STXBP6: variants seen among roughly 807,000 people sequenced by gnomAD.
The protein encoded by STXBP6 is syntaxin-binding protein 6.
STXBP6 carries 21 observed loss-of-function variants against 26.9 expected under a neutral mutation model. The ratio of observed to expected loss-of-function variants is 0.78; its 90% CI spans 0.55 to 1.12. The LOEUF (loss-of-function observed/expected upper bound fraction) is 1.12, where lower values mean the gene tolerates loss of function less well. Among genes scored for constraint, STXBP6 ranks in the 50% most tolerant of loss-of-function variants. The probability of loss-of-function intolerance (pLI) is 0.00; values close to 1 mark genes in which losing one functional copy is unlikely to be tolerated. For synonymous variants in STXBP6, 97 were observed against 92.6 expected (o/e 1.05, Z -0.27); for missense variants, 232 against 257.9 (o/e 0.90, Z 0.69).
chr14:24,810,682 T>C lies in STXBP6; in HGVS notation c.*2027A>G, dbSNP rs2067794167. ...AAGAATCTTGGGTTTCACAGTATGC[T>C]TATGACCTCATCCTCAGCTACTTTG... On this transcript the variant is annotated 3_prime_UTR_variant, in exon 6 of 6. Coordinates refer to ENST00000323944, the MANE Select transcript of STXBP6 (RefSeq NM_001394410.1). 6.6e-6 allele frequency: 1 copy of C among 152,342 alleles called. No individual in the cohort carries two copies. Among genetic ancestry groups the C allele is most frequent in the African/African-American group, 2.4e-5 (1 of 41,582 alleles). The allele number at this position is 152,342 out of a possible 1,614,324, so 9.4% of individuals were successfully genotyped here.
intron 1 of STXBP6, among the ~76,000 whole-genome samples, chr14:24,984,295 T>C (rs1465683072): frequency 6.6e-6 from 1 of 152,184 alleles, no homozygotes; most frequent in East Asian, 1.9e-4. Context: ...CTTATTTGAA[T>C]CGCTGATTTG....
At chr14:25,006,841 G>A (rs1423261064) in intron 1 of STXBP6, among the ~76,000 whole-genome samples, 1 of 151,096 alleles carries the variant, frequency 6.6e-6, no homozygotes, top group East Asian at 1.9e-4. Flanking sequence ...TCTTCTCAGA[G>A]CAATTTTTCA....
chr14:24,836,951 C>A (rs916388681), intron 4 of STXBP6, among the ~76,000 whole-genome samples: 1 of 152,038 alleles, frequency 6.6e-6, no homozygotes, highest in Non-Finnish European at 1.5e-5. Context: ...GGCATTAGTT[C>A]GACAAAATGT....
At chr14:24,998,684 G>A (rs758490547) in intron 1 of STXBP6, among the ~76,000 whole-genome samples, 10 of 152,152 alleles carry the variant, frequency 6.6e-5, no homozygotes, top group Non-Finnish European at 1.0e-4. Context: ...AACACCTACC[G>A]CAGGCTTGGC....
intron 4 of STXBP6, among the ~76,000 whole-genome samples, chr14:24,825,055 C>T (rs2068242335): frequency 6.6e-6 from 1 of 152,204 alleles, no homozygotes. Flanking sequence ...AGCCACACTC[C>T]TTTATTGCAG....
At chr14:24,996,012 G>A (rs1464379967) in intron 1 of STXBP6, among the ~76,000 whole-genome samples, 3 of 152,114 alleles carry the variant, frequency 2.0e-5, no homozygotes, top group Non-Finnish European at 4.4e-5. Context: ...ATCTATATAT[G>A]TAGATTTACT....
intron 2 of STXBP6, among the ~76,000 whole-genome samples, chr14:24,931,743 G>A (rs1265535367): frequency 1.3e-5 from 2 of 152,082 alleles, no homozygotes; most frequent in Non-Finnish European, 1.5e-5. Context: ...ATTACCCAAG[G>A]CTGGATAATG....
At chr14:24,834,789 G>C (rs951280150) in intron 4 of STXBP6, among the ~76,000 whole-genome samples, 1 of 152,164 alleles carries the variant, frequency 6.6e-6, no homozygotes, top group African/African-American at 2.4e-5. Context: ...TGGGGGAGAA[G>C]GGCTTGGTAG....
intron 4 of STXBP6, among the ~76,000 whole-genome samples, chr14:24,844,830 C>T (rs1335680134): frequency 6.6e-6 from 1 of 152,102 alleles, no homozygotes; most frequent in African/African-American, 2.4e-5. Flanking sequence ...ATTAAATAAA[C>T]TTGACCTTGA....
Position 24,974,664 on chromosome 14 carries a change from C to T in STXBP6, c.154+1G>A. 2 of 1,547,872 alleles carry T rather than the reference C, an allele frequency of 1.3e-6. No individual in the cohort carries two copies. On this transcript the variant is annotated splice_donor_variant, in intron 2 of 5. Coordinates refer to ENST00000323944, the MANE Select transcript of STXBP6 (RefSeq NM_001394410.1). LOFTEE classifies it high-confidence loss of function. ...TAATATTAATATCTGGTTCTCATTACCTGACAGGCAGATATAAGTTAAATA... is the reference window on the plus strand; with the variant it reads ...TAATATTAATATCTGGTTCTCATTATCTGACAGGCAGATATAAGTTAAATA...
chr14:25,011,812 C>T (rs2075038874), intron 1 of STXBP6, among the ~76,000 whole-genome samples: 1 of 152,136 alleles, frequency 6.6e-6, no homozygotes, highest in African/African-American at 2.4e-5. Context: ...AGATTGGATC[C>T]TGGGTTCACA....
At chr14:24,969,964 G>A (rs1435877620) in intron 2 of STXBP6, among the ~76,000 whole-genome samples, 4 of 152,168 alleles carry the variant, frequency 2.6e-5, no homozygotes, top group Admixed American at 6.5e-5. Context: ...AATTTCGGCC[G>A]GGTGTGGTGG....
At chr14:24,873,793 T>G (rs2139360612) in intron 2 of STXBP6, among the ~76,000 whole-genome samples, 1 of 152,350 alleles carries the variant, frequency 6.6e-6, no homozygotes, top group African/African-American at 2.4e-5. Flanking sequence ...CTTCTCTGAA[T>G]GACGGGAACA....
At chr14:24,952,281 G>A (rs1331327301) in intron 2 of STXBP6, among the ~76,000 whole-genome samples, 13 of 150,564 alleles carry the variant, frequency 8.6e-5, no homozygotes, top group Non-Finnish European at 1.2e-4. Flanking sequence ...CTGCTTAGGG[G>A]GTAGCCATTC....
At chr14:24,816,021 GGGT>G (rs1566373091) in intron 5 of STXBP6, 1 of 152,188 alleles carries the variant, frequency 6.6e-6, no homozygotes, top group Non-Finnish European at 1.5e-5. Flanking sequence ...TCTTGCACCT[GGGT>G]CACTGCAGGA....
chr14:24,865,652 C>T (rs2069692055), intron 2 of STXBP6, among the ~76,000 whole-genome samples: 1 of 152,142 alleles, frequency 6.6e-6, no homozygotes, highest in Middle Eastern at 3.2e-3. Flanking sequence ...ATCATCCAGA[C>T]TGGAAAAACC....
chr14:24,903,322 T>C (rs528891267), intron 2 of STXBP6, among the ~76,000 whole-genome samples: 1 of 152,300 alleles, frequency 6.6e-6, no homozygotes, highest in East Asian at 1.9e-4. Flanking sequence ...CAGGCATGGT[T>C]AGGTGTTTGA....
intron 2 of STXBP6, among the ~76,000 whole-genome samples, chr14:24,937,893 C>T (rs1358176045): frequency 6.6e-6 from 1 of 152,272 alleles, no homozygotes; most frequent in South Asian, 2.1e-4. Flanking sequence ...TATTTTGCTC[C>T]CAGTATTCTG....
chr14:24,827,224 CA>C (rs770288246), intron 4 of STXBP6, among the ~76,000 whole-genome samples: 7 of 151,272 alleles, frequency 4.6e-5, no homozygotes, highest in East Asian at 3.9e-4. Context: ...AACAAACAAA[CA>C]AAAAAAAGTA....
Sources: allele counts gnomAD v4.1 joint callset (sites outside exome capture counted in the v4.1 genomes callset), GRCh38; gene constraint gnomAD v4.1.1; transcripts MANE v1.5; gene names NCBI Gene and HGNC (gene_info 2026-07-23, HGNC 2026-07-21).